MANF: variants seen among roughly 807,000 people sequenced by gnomAD.
MANF encodes mesencephalic astrocyte-derived neurotrophic factor.
A neutral mutation model predicts 19.1 loss-of-function variants in MANF; 9 were observed. That is an observed-to-expected ratio of 0.47 (90% CI 0.28 to 0.82). MANF has a LOEUF of 0.82. Ranked by LOEUF, MANF falls within the 40% of genes least tolerant of loss-of-function variation. The pLI, the probability that MANF is intolerant of heterozygous loss-of-function variation, is 0.10. For synonymous variants in MANF, 89 were observed against 88.0 expected (o/e 1.01, Z -0.06); for missense variants, 225 against 226.7 (o/e 0.99, Z 0.05).
Position 51,386,237 on chromosome 3 carries a change from C to T in MANF, c.124C>T (p.Gln42Ter), listed in dbSNP as rs1402555648. The stretch of plus-strand genomic sequence containing the variant: ...TATTTCTTATCTGGGAAGATTTTAC[C>T]AGGACCTCAAAGACAGAGATGTCAC... ...VCISYLGRFYQDLKDRDVTFS... is the reference protein window; with the variant it reads ...VCISYLGRFY Residue 42 changes from glutamine to a stop codon, truncating the protein, a stop_gained, in exon 2 of 4, where the codon CAG becomes TAG. Coordinates refer to ENST00000528157, the MANE Select transcript of MANF (RefSeq NM_006010.6). LOFTEE classifies it high-confidence loss of function. The T allele has an allele frequency of 6.2e-7, 1 of 1,613,536 alleles. No individual in the cohort carries two copies. The highest frequency in any genetic ancestry group is 8.5e-7 in the Non-Finnish European group (1 of 1,179,752).
chr3:51,388,439 T>C (rs1174171569), intron 3 of MANF, among the ~76,000 whole-genome samples: 4 of 152,200 alleles, frequency 2.6e-5, no homozygotes, highest in Admixed American at 1.3e-4. Context: ...TCTGAAAAAC[T>C]TGAATGGCCA....
intron 2 of MANF, among the ~76,000 whole-genome samples, 182 bp downstream of exon 2, chr3:51,386,517 CTG>C (rs2106637284): frequency 6.6e-6 from 1 of 152,346 alleles, no homozygotes; most frequent in South Asian, 2.1e-4. Flanking sequence ...TGTTCTGCAA[CTG>C]TGATTTTTTT....
intron 2 of MANF, among the ~76,000 whole-genome samples, chr3:51,386,541 G>C (rs2088964025): frequency 6.6e-6 from 1 of 152,212 alleles, no homozygotes; most frequent in Non-Finnish European, 1.5e-5. Context: ...TATCCTGTTA[G>C]TCTTTATTAA....
chr3:51,387,115 G>C (rs547191786), intron 2 of MANF: 14 of 348,732 alleles, frequency 4.0e-5, no homozygotes, highest in African/African-American at 2.1e-4. Context: ...TTGAACTTAG[G>C]AGTTTGAGAT....
In MANF at chr3:51,387,408, G is replaced by A. The variant is rs564498807; in HGVS notation, c.223-329G>A. 3.9e-4 allele frequency among the ~76,000 whole-genome samples: 59 copies of A among 151,986 alleles called. 1 individual carries two copies. The South Asian group carries it at 1.0e-2, about 26-fold the overall frequency. ...GGAGGCGGAGGTTGCAGTGAGCCGA[G>A]CCAAGATTGCGCCACTGCACTCCAG... On this transcript the variant is annotated intron_variant, in intron 2 of 3. Transcript: ENST00000528157.
intron 3 of MANF, 93 bp downstream of exon 3, chr3:51,387,971 G>A: frequency 2.3e-6 from 3 of 1,312,806 alleles, no homozygotes; most frequent in Non-Finnish European, 3.2e-6. Context: ...AGAGTCATGA[G>A]TGGGTTGTAT....
In MANF at chr3:51,388,998, G is replaced by A; in HGVS notation, c.458G>A (p.Gly153Asp). The part of the protein sequence containing the change: ...ILDDWGETCK[G>D]CAEKSDYIRK... ...GATGACTGGGGGGAGACATGCAAAG[G>A]CTGTGCAGAAAAGTCTGACTACATC... Residue 153 changes from glycine (G) to aspartate (D), a missense_variant, in exon 4 of 4, where the codon GGC (glycine) becomes GAC (aspartate). Physicochemically the swap from Gly to Asp is moderately conservative, Grantham distance 94. Coordinates refer to ENST00000528157, the MANE Select transcript of MANF (RefSeq NM_006010.6). The A allele has an allele frequency of 6.2e-7, 1 of 1,609,554 alleles. No homozygotes were observed. The highest frequency in any genetic ancestry group is 8.5e-7 in the Non-Finnish European group (1 of 1,177,748).
chr3:51,386,522 AT>A (rs1297609832), intron 2 of MANF, among the ~76,000 whole-genome samples, 187 bp downstream of exon 2: 2 of 151,934 alleles, frequency 1.3e-5, no homozygotes, highest in African/African-American at 2.4e-5. Context: ...TGCAACTGTG[AT>A]TTTTTTTTAT....
Position 51,386,190 on chromosome 3 carries a change from C to T in MANF, c.95-18C>T, listed in dbSNP as rs1553620870. Reference sequence around the variant, plus strand: ...AGCTTGGTGATTGCTGAGCATCTCCCGTCCCTCTCTTTTCCAGTTTGTATT... The same window carrying T: ...AGCTTGGTGATTGCTGAGCATCTCCTGTCCCTCTCTTTTCCAGTTTGTATT... On this transcript the variant is annotated intron_variant, in intron 1 of 3. Coordinates refer to ENST00000528157, the MANE Select transcript of MANF (RefSeq NM_006010.6). The T allele has an allele frequency of 1.9e-6, 3 of 1,612,336 alleles. No homozygotes were observed. The highest frequency in any genetic ancestry group is 2.5e-6 in the Non-Finnish European group (3 of 1,179,062).
At chr3:51,385,623 C>T (rs1553620774) in intron 1 of MANF, 187 bp downstream of exon 1, 1 of 387,866 alleles carries the variant, frequency 2.6e-6, no homozygotes, top group Non-Finnish European at 4.5e-6. Context: ...TTTCTTGGGC[C>T]TAGAAAACAT....
At chr3:51,385,512 C>T (rs927515941) in intron 1 of MANF, 76 bp downstream of exon 1, 1 of 254,870 alleles carries the variant, frequency 3.9e-6, no homozygotes, top group Non-Finnish European at 5.8e-6. Flanking sequence ...CATCACCAGA[C>T]GGCCGGGGCC....
At chr3:51,388,882 ACT>A (rs1206872464) in intron 3 of MANF, 21 bp from the exon 4 acceptor site, 2 of 1,530,874 alleles carry the variant, frequency 1.3e-6, no homozygotes, top group East Asian at 4.9e-5. Flanking sequence ...CCAGTCAGTG[ACT>A]CTCCCTGCTC....
At chr3:51,385,692 A>G (rs781793801) in intron 1 of MANF, 1 of 350,172 alleles carries the variant, frequency 2.9e-6, no homozygotes, top group Non-Finnish European at 5.1e-6. Context: ...TGAAATCTCC[A>G]TCACTCCTGA....
chr3:51,387,660 T>C, intron 2 of MANF, 77 bp from the exon 3 acceptor site: 2 of 1,374,592 alleles, frequency 1.5e-6, no homozygotes, highest in Non-Finnish European at 2.0e-6. Context: ...AGAGAGATGA[T>C]GTTTCAAGGT....
At chr3:51,387,563 T>C (rs1364032671) in intron 2 of MANF, 174 bp from the exon 3 acceptor site, 5 of 583,370 alleles carry the variant, frequency 8.6e-6, no homozygotes, top group African/African-American at 3.8e-5. Flanking sequence ...ACCCAACAGA[T>C]TGAAGCTGCA....
At chr3:51,385,705 T>C in intron 1 of MANF, 1 of 342,688 alleles carries the variant, frequency 2.9e-6, no homozygotes, top group Non-Finnish European at 5.3e-6. Context: ...ACTCCTGAGT[T>C]ATTGTCCCCA....
chr3:51,389,153 C>A lies in MANF; in HGVS notation c.*64C>A. ...GTTCAACTGCTTACTCCCAAAACAG[C>A]CTTTTTGTAATTTATTTTTTAAGTG... On this transcript the variant is annotated 3_prime_UTR_variant, in exon 4 of 4. Coordinates refer to ENST00000528157, the MANE Select transcript of MANF (RefSeq NM_006010.6). 1 of 1,446,622 alleles carries A rather than the reference C, an allele frequency of 6.9e-7. No individual in the cohort carries two copies. 89.6% of individuals were successfully genotyped at this position (1,446,622 alleles called of 1,614,324 possible).
chr3:51,387,479 G>GTT (rs1270567307), intron 2 of MANF, among the ~76,000 whole-genome samples: 11 of 150,994 alleles, frequency 7.3e-5, no homozygotes, highest in African/African-American at 2.4e-4. Context: ...AAAAAAAATT[G>GTT]TTTTAGTTAG....
At chr3:51,386,011 G>T in intron 1 of MANF, 197 bp from the exon 2 acceptor site, 2 of 588,782 alleles carry the variant, frequency 3.4e-6, no homozygotes, top group Non-Finnish European at 6.0e-6. Flanking sequence ...TTGATGCCCT[G>T]GGTGTACCAG....
Sources: allele counts gnomAD v4.1 joint callset (sites outside exome capture counted in the v4.1 genomes callset), GRCh38; gene constraint gnomAD v4.1.1; transcripts MANE v1.5; gene names NCBI Gene and HGNC (gene_info 2026-07-23, HGNC 2026-07-21).